The following ARHGAP32 variants were observed in gnomAD, a reference collection of about 807,000 sequenced individuals.
The protein encoded by ARHGAP32 is Rho GTPase activating protein 32.
ARHGAP32 carries 51 observed loss-of-function variants against 186.5 expected under a neutral mutation model. That is an observed-to-expected ratio of 0.27 (90% CI 0.22 to 0.35). The LOEUF (loss-of-function observed/expected upper bound fraction) is 0.35, where lower values mean the gene tolerates loss of function less well. ARHGAP32 is among the 10% of genes least tolerant of loss of function. The probability of loss-of-function intolerance (pLI) is 1.00; values close to 1 mark genes in which losing one functional copy is unlikely to be tolerated. For missense variants in ARHGAP32, 2,186 were observed against 2,623.5 expected (o/e 0.83, Z 3.64); for synonymous variants, 950 against 964.3 (o/e 0.99, Z 0.27).
At chr11:129,133,641 C>T (rs985527075) in intron 2 of ARHGAP32, among the ~76,000 whole-genome samples, 3 of 152,114 alleles carry the variant, frequency 2.0e-5, no homozygotes, top group African/African-American at 7.2e-5. Flanking sequence ...ACTCTCAACC[C>T]AGAAATCTGC....
chr11:129,067,609 G>A (rs1940736152), intron 6 of ARHGAP32, among the ~76,000 whole-genome samples: 1 of 151,824 alleles, frequency 6.6e-6, no homozygotes, highest in African/African-American at 2.4e-5. Context: ...GAGTTTATCA[G>A]CTCACACCGC....
At chr11:129,053,795 T>C (rs1940147229) in intron 10 of ARHGAP32, among the ~76,000 whole-genome samples, 1 of 152,192 alleles carries the variant, frequency 6.6e-6, no homozygotes, top group East Asian at 1.9e-4. Context: ...CTTGAAATTA[T>C]GTCACAGATG....
Position 128,967,703 on chromosome 11 carries a change from C to T in ARHGAP32, c.*1204G>A, listed in dbSNP as rs896341211. 16 of 152,096 alleles carry T rather than the reference C, an allele frequency of 1.1e-4. No individual in the cohort carries two copies. The highest frequency in any genetic ancestry group is 2.7e-4 in the African/African-American group (11 of 41,408). 9.4% of individuals were successfully genotyped at this position (152,096 alleles called of 1,614,324 possible). On this transcript the variant is annotated 3_prime_UTR_variant, in exon 23 of 23. Coordinates refer to ENST00000682385, the MANE Select transcript of ARHGAP32 (RefSeq NM_001378024.1). ...ACCACACAAGTATAGAGTAAGCAAA[C>T]GACAGTAATGCCTTAGGACAGCAAT...
In ARHGAP32 at chr11:128,972,584, C is replaced by T. The variant is rs1945412553; in HGVS notation, c.3922G>A (p.Ala1308Thr). Residue 1308 changes from alanine (A) to threonine (T), a missense_variant, in exon 22 of 23, where the codon GCC becomes ACC. Physicochemically the swap from Ala to Thr is moderately conservative, Grantham distance 58. Coordinates refer to ENST00000682385, the MANE Select transcript of ARHGAP32 (RefSeq NM_001378024.1). The stretch of plus-strand genomic sequence containing the variant: ...GTTCTGTGCGTGCGCTGAAGTGTGG[C>T]AGCAGCAAAATCAGCAGTGGTGGGT... The part of the protein sequence containing the change: ...EQPTTADFAA[A>T]TLQRTHRTNR... The T allele has an allele frequency of 6.2e-7, 1 of 1,602,534 alleles. No homozygotes were observed. The highest frequency in any genetic ancestry group is 1.7e-5 in the Admixed American group (1 of 59,490).
At chr11:129,172,162 C>T (rs1245292841) in intron 1 of ARHGAP32, among the ~76,000 whole-genome samples, 1 of 152,128 alleles carries the variant, frequency 6.6e-6, no homozygotes, top group East Asian at 1.9e-4. Flanking sequence ...ACCTTTATTT[C>T]TTTCTCTTGC....
At chr11:129,117,506 A>G (rs559242698) in intron 5 of ARHGAP32, among the ~76,000 whole-genome samples, 17 of 152,148 alleles carry the variant, frequency 1.1e-4, no homozygotes, top group African/African-American at 3.6e-4. Context: ...CCTTCCCAGC[A>G]TCAAGGCAGA....
intron 13 of ARHGAP32, among the ~76,000 whole-genome samples, chr11:128,987,361 G>A (rs1591503903): frequency 6.6e-6 from 1 of 152,166 alleles, no homozygotes; most frequent in African/African-American, 2.4e-5. Flanking sequence ...GACTGAAACT[G>A]TCTTTAGTAC....
chr11:129,129,963 A>G (rs1942773441), intron 2 of ARHGAP32, among the ~76,000 whole-genome samples: 1 of 152,152 alleles, frequency 6.6e-6, no homozygotes, highest in South Asian at 2.1e-4. Flanking sequence ...TATCTTCAAG[A>G]TTTTTTAAAA....
chr11:129,056,313 CT>C (rs1332048233), intron 10 of ARHGAP32, among the ~76,000 whole-genome samples: 28 of 152,288 alleles, frequency 1.8e-4, no homozygotes, highest in African/African-American at 6.5e-4. Context: ...AGGTCTGGCT[CT>C]TGGCTCACTG....
chr11:129,112,006 G>C (rs1942231751), intron 5 of ARHGAP32, among the ~76,000 whole-genome samples: 1 of 152,058 alleles, frequency 6.6e-6, no homozygotes, highest in Admixed American at 6.6e-5. Context: ...GAAGTGATCT[G>C]CCTGCCTCGG....
At chr11:129,106,541 A>G (rs537937523) in intron 5 of ARHGAP32, among the ~76,000 whole-genome samples, 1 of 152,188 alleles carries the variant, frequency 6.6e-6, no homozygotes, top group South Asian at 2.1e-4. Context: ...GGTGGCAGTG[A>G]GGAAAAGATT....
At chr11:129,213,230 A>G (rs1452860365) in intron 1 of ARHGAP32, among the ~76,000 whole-genome samples, 2 of 152,196 alleles carry the variant, frequency 1.3e-5, no homozygotes, top group African/African-American at 4.8e-5. Context: ...CAAGTCACTA[A>G]CAGGCTGCAA....
At chr11:129,268,280 T>A (rs763653861) in intron 1 of ARHGAP32, among the ~76,000 whole-genome samples, 7 of 152,102 alleles carry the variant, frequency 4.6e-5, no homozygotes, top group African/African-American at 9.7e-5. Context: ...TAAAGAGCTA[T>A]CATGTGAAAA....
At chr11:129,261,360 T>C (rs1013059500) in intron 1 of ARHGAP32, among the ~76,000 whole-genome samples, 1 of 152,222 alleles carries the variant, frequency 6.6e-6, no homozygotes, top group African/African-American at 2.4e-5. Flanking sequence ...TTTATTTTTT[T>C]CTGCTTTTAC....
At chr11:128,992,626 GA>G (rs528918589) in intron 12 of ARHGAP32, among the ~76,000 whole-genome samples, 95 of 146,222 alleles carry the variant, frequency 6.5e-4, no homozygotes, top group Admixed American at 2.5e-3. Context: ...AAAAATACAG[GA>G]AAAAAAAAAA....
chr11:129,083,783 C>A (rs1324427192), intron 6 of ARHGAP32, among the ~76,000 whole-genome samples: 1 of 151,966 alleles, frequency 6.6e-6, no homozygotes, highest in African/African-American at 2.4e-5. Context: ...AAAAGAAGAG[C>A]AAATTAAATC....
At chr11:129,104,898 T>C (rs1425207995) in intron 5 of ARHGAP32, among the ~76,000 whole-genome samples, 1 of 152,136 alleles carries the variant, frequency 6.6e-6, no homozygotes, top group Non-Finnish European at 1.5e-5. Context: ...TTGTGGCATT[T>C]TTACTTGTGC....
At chr11:129,269,227 C>T (rs1165657866) in intron 1 of ARHGAP32, among the ~76,000 whole-genome samples, 3 of 152,100 alleles carry the variant, frequency 2.0e-5, no homozygotes, top group African/African-American at 4.8e-5. Context: ...GCTGAGATCG[C>T]ACCACTGCAC....
intron 2 of ARHGAP32, among the ~76,000 whole-genome samples, chr11:129,134,418 CTG>C (rs3085141): frequency 0.011 from 1,619 of 152,198 alleles, 10 homozygotes; most frequent in Non-Finnish European, 0.015. Flanking sequence ...AAATAAAAGA[CTG>C]TGCACATGTG....
Sources: gnomAD v4.1 joint callset for allele counts (sites outside exome capture counted in the v4.1 genomes callset) on GRCh38, gnomAD v4.1.1 for gene constraint, MANE v1.5 for transcripts, NCBI Gene and HGNC (gene_info 2026-07-23, HGNC 2026-07-21) for gene names.